ADRA1B: variants seen among roughly 807,000 people sequenced by gnomAD.
The protein encoded by ADRA1B is adrenoceptor alpha 1B, also known as alpha-1B adrenergic receptor.
ADRA1B carries 17 observed loss-of-function variants against 17.9 expected under a neutral mutation model. That is an observed-to-expected ratio of 0.95 (90% CI 0.65 to 1.42). ADRA1B has a LOEUF of 1.42. Ranked by LOEUF, ADRA1B falls within the 40% of genes most tolerant of loss-of-function variation. ADRA1B has a pLI of 0.00. For synonymous variants in ADRA1B, 366 were observed against 327.6 expected (o/e 1.12, Z -1.27); for missense variants, 681 against 722.1 (o/e 0.94, Z 0.65).
At chr5:159,988,761 G>A in the ADRA1B span, among the ~76,000 whole-genome samples, 5 of 152,166 alleles carry the variant, frequency 3.3e-5, no homozygotes, top group Non-Finnish European at 7.3e-5. Flanking sequence ...AGGATCACTT[G>A]AGCCCAGGAA....
intron 1 of ADRA1B, among the ~76,000 whole-genome samples, chr5:159,953,489 C>T (rs1013901123): frequency 4.6e-5 from 7 of 152,234 alleles, no homozygotes; most frequent in Non-Finnish European, 1.0e-4. Flanking sequence ...GACACCCCCA[C>T]ACTGAGTGTT....
intron 1 of ADRA1B, among the ~76,000 whole-genome samples, chr5:159,960,125 C>T (rs555796310): frequency 2.3e-4 from 35 of 152,266 alleles, no homozygotes; most frequent in African/African-American, 8.2e-4. Flanking sequence ...TGGATCTTAG[C>T]GGGTCTTCTC....
chr5:159,987,401 C>T, the ADRA1B span, among the ~76,000 whole-genome samples: 1 of 152,342 alleles, frequency 6.6e-6, no homozygotes, highest in East Asian at 1.9e-4. Flanking sequence ...TTCCTCGCCG[C>T]CTGGAGCGGG....
At chr5:159,890,886 G>A (rs903877113) in intron 1 of ADRA1B, among the ~76,000 whole-genome samples, 2 of 152,202 alleles carry the variant, frequency 1.3e-5, no homozygotes, top group Non-Finnish European at 2.9e-5. Flanking sequence ...TGTGAGATGG[G>A]AAATACATTG....
intron 1 of ADRA1B, among the ~76,000 whole-genome samples, chr5:159,926,042 C>A (rs772670226): frequency 6.6e-6 from 1 of 152,080 alleles, no homozygotes; most frequent in Non-Finnish European, 1.5e-5. Context: ...AACTCTCTGC[C>A]GAACATGGGT....
intron 1 of ADRA1B, among the ~76,000 whole-genome samples, chr5:159,957,828 T>A (rs1022563328): frequency 2.7e-5 from 4 of 148,336 alleles, no homozygotes; most frequent in East Asian, 4.0e-4. Flanking sequence ...TCCCAGCAAC[T>A]TAAGGCCAGA....
chr5:159,959,190 G>A (rs558575700), intron 1 of ADRA1B, among the ~76,000 whole-genome samples: 1 of 152,116 alleles, frequency 6.6e-6, no homozygotes, highest in Non-Finnish European at 1.5e-5. Flanking sequence ...CTCTTTGATG[G>A]TAAATAAAAA....
intron 1 of ADRA1B, among the ~76,000 whole-genome samples, chr5:159,959,091 C>T: frequency 6.6e-6 from 1 of 152,208 alleles, no homozygotes; most frequent in Non-Finnish European, 1.5e-5. Context: ...ACACAGACCT[C>T]ATCTTTAAGG....
the ADRA1B span, among the ~76,000 whole-genome samples, chr5:159,986,719 G>A: frequency 6.6e-6 from 1 of 152,178 alleles, no homozygotes; most frequent in Non-Finnish European, 1.5e-5. Flanking sequence ...GAGAAGCATT[G>A]CACAGATGGT....
chr5:159,884,460 T>C (rs1028464207), intron 1 of ADRA1B, among the ~76,000 whole-genome samples: 2 of 152,212 alleles, frequency 1.3e-5, no homozygotes, highest in Non-Finnish European at 2.9e-5. Context: ...CTCTTGTGTA[T>C]GTTCTCTTGC....
chr5:159,942,307 C>T (rs1490746310), intron 1 of ADRA1B, among the ~76,000 whole-genome samples: 1 of 152,096 alleles, frequency 6.6e-6, no homozygotes, highest in East Asian at 1.9e-4. Context: ...TTACTAAAAA[C>T]CGCTAAATTG....
At chr5:159,898,404 G>A (rs1488941351) in intron 1 of ADRA1B, among the ~76,000 whole-genome samples, 2 of 151,870 alleles carry the variant, frequency 1.3e-5, no homozygotes, top group Non-Finnish European at 2.9e-5. Flanking sequence ...CCAGAAGTGG[G>A]GTGTGTGTGT....
intron 1 of ADRA1B, among the ~76,000 whole-genome samples, chr5:159,901,439 G>A (rs1476246327): frequency 9.0e-6 from 1 of 110,814 alleles, no homozygotes; most frequent in South Asian, 4.3e-4. Context: ...AGGGGGAGGG[G>A]AGGGGGAGGG....
chr5:159,949,222 C>A (rs1460527565), intron 1 of ADRA1B, among the ~76,000 whole-genome samples: 2 of 152,198 alleles, frequency 1.3e-5, no homozygotes, highest in Non-Finnish European at 2.9e-5. Context: ...TCATTCACAT[C>A]ATCATCAACA....
At chr5:159,881,203 A>G (rs1046999437) in intron 1 of ADRA1B, among the ~76,000 whole-genome samples, 5 of 146,694 alleles carry the variant, frequency 3.4e-5, no homozygotes, top group African/African-American at 1.3e-4. Flanking sequence ...AAAAAAAAAA[A>G]AAAATTCTGG....
At chr5:159,945,429 A>G (rs796733858) in intron 1 of ADRA1B, among the ~76,000 whole-genome samples, 14 of 152,332 alleles carry the variant, frequency 9.2e-5, no homozygotes, top group African/African-American at 3.1e-4. Flanking sequence ...CTGAAACTTG[A>G]GTGACTAGAA....
intron 1 of ADRA1B, among the ~76,000 whole-genome samples, chr5:159,929,367 C>T (rs1277749930): frequency 1.3e-5 from 2 of 151,848 alleles, no homozygotes; most frequent in African/African-American, 4.8e-5. Flanking sequence ...CCTGCTGACT[C>T]TAGTGTGGCT....
At chr5:159,881,305 C>CTG (rs1554087453) in intron 1 of ADRA1B, among the ~76,000 whole-genome samples, 4,348 of 113,682 alleles carry the variant, frequency 0.038, 190 homozygotes, top group Middle Eastern at 0.064. Flanking sequence ...AAAGTTCTCT[C>CTG]TCTCTCTCTC....
chr5:159,889,536 T>C (rs937879937), intron 1 of ADRA1B, among the ~76,000 whole-genome samples: 20 of 152,222 alleles, frequency 1.3e-4, no homozygotes, highest in Admixed American at 5.9e-4. Context: ...TGACCTAGAC[T>C]CCATCAATCA....
Sources: gnomAD v4.1 joint callset for allele counts (sites outside exome capture counted in the v4.1 genomes callset) on GRCh38, gnomAD v4.1.1 for gene constraint, MANE v1.5 for transcripts, NCBI Gene and HGNC (gene_info 2026-07-23, HGNC 2026-07-21) for gene names.